SOCS2: variants seen among roughly 807,000 people sequenced by gnomAD.
SOCS2 encodes CIS-2.
In SOCS2, 10 loss-of-function variants were observed where a neutral mutation model predicts 18.6. The observed-to-expected ratio is 0.54, with a 90% confidence interval of 0.33 to 0.91. The LOEUF (loss-of-function observed/expected upper bound fraction) is 0.91, where lower values mean the gene tolerates loss of function less well. SOCS2 is among the 40% of genes least tolerant of loss of function. The pLI, the probability that SOCS2 is intolerant of heterozygous loss-of-function variation, is 0.02. For synonymous variants in SOCS2, 104 were observed against 104.0 expected (o/e 1.00, Z 0.00); for missense variants, 231 against 247.2 (o/e 0.93, Z 0.44).
chr12:93,619,617 T>A, the SOCS2 span, among the ~76,000 whole-genome samples: 2 of 152,212 alleles, frequency 1.3e-5, no homozygotes, highest in Admixed American at 6.5e-5. Context: ...TCCTATGAGA[T>A]ACCTTACTGT....
chr12:93,573,973 G>A (rs925908413), intron 1 of SOCS2: 1 of 152,282 alleles, frequency 6.6e-6, no homozygotes, highest in African/African-American at 2.4e-5. Flanking sequence ...AAGAATGCAG[G>A]GGAGATGGAT....
downstream of SOCS2, among the ~76,000 whole-genome samples, chr12:93,578,568 C>G (rs1387088617): frequency 6.6e-6 from 1 of 152,052 alleles, no homozygotes; most frequent in African/African-American, 2.4e-5. Flanking sequence ...ATTCTCCTTT[C>G]CCAGTTTTTT....
chr12:93,614,416 T>C, the SOCS2 span, among the ~76,000 whole-genome samples: 71 of 112,136 alleles, frequency 6.3e-4, 4 homozygotes, highest in Admixed American at 1.3e-3. Context: ...TTTCTTTCTT[T>C]CTTCCTTTCT....
chr12:93,622,815 C>G, the SOCS2 span, among the ~76,000 whole-genome samples: 2 of 152,146 alleles, frequency 1.3e-5, no homozygotes, highest in African/African-American at 2.4e-5. Flanking sequence ...CTTCCTCCAC[C>G]TATTTACCTA....
chr12:93,620,413 T>C, the SOCS2 span, among the ~76,000 whole-genome samples: 1 of 149,636 alleles, frequency 6.7e-6, no homozygotes. Context: ...ATTTCTTTTC[T>C]TTTTTTCTCT....
chr12:93,575,232 A>G lies in SOCS2; in HGVS notation c.*53A>G. The G allele has an allele frequency of 3.7e-6, 5 of 1,358,760 alleles. No homozygotes were observed. Among genetic ancestry groups the G allele is most frequent in the Non-Finnish European group, 4.9e-6 (5 of 1,012,228 alleles). 84.2% of individuals were successfully genotyped at this position (1,358,760 alleles called of 1,614,324 possible). On this transcript the variant is annotated 3_prime_UTR_variant, in exon 2 of 2. Transcript: ENST00000551556. ...ACATAGAGTATCTCCGAATGCAGCT[A>G]TGTAAAAGAGAACCAAAACTTGAGT...
chr12:93,573,564 CG>C (rs1954343124), intron 1 of SOCS2: 3 of 213,172 alleles, frequency 1.4e-5, no homozygotes, highest in Non-Finnish European at 2.7e-5. Flanking sequence ...CTTCCATGGT[CG>C]GCGCGCCCAG....
At chr12:93,573,520 C>T (rs1262314773) in intron 1 of SOCS2, 1 of 259,578 alleles carries the variant, frequency 3.9e-6, no homozygotes, top group East Asian at 6.8e-5. Flanking sequence ...GCCCGGGCGT[C>T]GAGAGTAGGC....
the SOCS2 span, among the ~76,000 whole-genome samples, chr12:93,598,180 G>A: frequency 2.0e-5 from 3 of 152,158 alleles, no homozygotes; most frequent in African/African-American, 4.8e-5. Flanking sequence ...CTGTGTTTTC[G>A]ATCAAAACCT....
downstream of SOCS2, among the ~76,000 whole-genome samples, chr12:93,577,666 A>G (rs1481118026): frequency 6.7e-6 from 1 of 148,834 alleles, no homozygotes; most frequent in Non-Finnish European, 1.5e-5. Flanking sequence ...CAACTGGAAA[A>G]GTATAGATAC....
At chr12:93,607,832 C>A in the SOCS2 span, among the ~76,000 whole-genome samples, 6 of 152,096 alleles carry the variant, frequency 3.9e-5, no homozygotes, top group Admixed American at 3.9e-4. Context: ...CCCTGGAATA[C>A]CCCTCACTGT....
the SOCS2 span, among the ~76,000 whole-genome samples, chr12:93,619,335 T>C: frequency 6.6e-6 from 1 of 151,908 alleles, no homozygotes; most frequent in Non-Finnish European, 1.5e-5. Flanking sequence ...TCCATAGGGG[T>C]CAGACTCTGG....
the SOCS2 span, among the ~76,000 whole-genome samples, chr12:93,606,298 A>C: frequency 2.0e-5 from 3 of 152,288 alleles, no homozygotes; most frequent in African/African-American, 7.2e-5. Context: ...AGAGATGGAT[A>C]TTGAGGGCCA....
At chr12:93,615,548 G>A in the SOCS2 span, among the ~76,000 whole-genome samples, 73 of 152,228 alleles carry the variant, frequency 4.8e-4, 1 homozygote, top group Admixed American at 4.6e-3. Context: ...AGTGAAAACA[G>A]CATATAATTT....
the SOCS2 span, among the ~76,000 whole-genome samples, chr12:93,613,329 A>C: frequency 1.3e-5 from 2 of 152,144 alleles, no homozygotes; most frequent in African/African-American, 4.8e-5. Context: ...ACTGCGGTCA[A>C]TGCTTTATTT....
At chr12:93,612,615 C>G in the SOCS2 span, among the ~76,000 whole-genome samples, 2 of 152,170 alleles carry the variant, frequency 1.3e-5, no homozygotes, top group African/African-American at 2.4e-5. Flanking sequence ...CCTAGGGAAC[C>G]CAACTTGTGC....
the SOCS2 span, among the ~76,000 whole-genome samples, chr12:93,616,615 CCACT>C: frequency 2.0e-5 from 3 of 152,304 alleles, no homozygotes; most frequent in African/African-American, 7.2e-5. Flanking sequence ...CCAATACCAC[CCACT>C]GTCACATAAC....
chr12:93,623,711 A>T, the SOCS2 span, among the ~76,000 whole-genome samples: 2 of 146,880 alleles, frequency 1.4e-5, no homozygotes, highest in Non-Finnish European at 3.0e-5. Context: ...TTAATCATGA[A>T]TTTTTTTTTT....
the SOCS2 span, among the ~76,000 whole-genome samples, chr12:93,604,735 C>T: frequency 3.9e-5 from 6 of 152,114 alleles, no homozygotes; most frequent in Non-Finnish European, 8.8e-5. Context: ...TCACAGCTCA[C>T]TGTAGCTTTG....
Sources: gnomAD v4.1 joint callset for allele counts (sites outside exome capture counted in the v4.1 genomes callset) on GRCh38, gnomAD v4.1.1 for gene constraint, MANE v1.5 for transcripts, NCBI Gene and HGNC (gene_info 2026-07-23, HGNC 2026-07-21) for gene names.